Variants in LRRC69 observed in about 807,000 individuals in gnomAD.
The protein encoded by LRRC69 is leucine-rich repeat-containing protein 69.
LRRC69 carries 42 observed loss-of-function variants against 37.8 expected under a neutral mutation model. The observed-to-expected ratio is 1.11, with a 90% CI of 0.87 to 1.44. LRRC69 has a LOEUF of 1.44. LRRC69 is among the 40% of genes most tolerant of loss of function. The pLI, the probability that LRRC69 is intolerant of heterozygous loss-of-function variation, is 0.00. For synonymous variants in LRRC69, 141 were observed against 143.1 expected, an observed-to-expected ratio of 0.99 and a Z score of 0.11; for missense variants, 357 against 401.9, an observed-to-expected ratio of 0.89 and a Z score of 0.96.
chr8:91,153,337 T>A (rs914707210), intron 5 of LRRC69, among the ~76,000 whole-genome samples: 1 of 151,292 alleles, frequency 6.6e-6, no homozygotes, highest in Admixed American at 6.6e-5. Context: ...ATTCAGGACT[T>A]GAACTCAACT....
rs71266165 is a variant in LRRC69, at chr8:91,140,639, ATTTTTTTTTTTTTTTTTTTTT to A, written c.651+4912_651+4932del. Among the ~76,000 whole-genome samples, 2 of 23,250 alleles carry A rather than the reference ATTTTTTTTTTTTTTTTTTTTT, an allele frequency of 8.6e-5. 1 individual carries two copies. Among genetic ancestry groups the A allele is most frequent in the Non-Finnish European group, 1.5e-4 (2 of 13,138 alleles). The allele number at this position is 23,250 out of a possible 152,430, so 15.3% of individuals were successfully genotyped here. A position where few individuals can be genotyped will look rare whatever the true frequency, so the allele number is the denominator to read the frequency against. ...TTAAATGAATATTCTTCAATATGTG[ATTTTTTTTTTTTTTTTTTTTT>A]TTTTTTTTTTTGAGACGGAGTCTCG... On this transcript the variant is annotated intron_variant, in intron 5 of 7. Coordinates refer to ENST00000448384, the Ensembl canonical transcript of LRRC69.
At chr8:91,155,628 T>C (rs1482436656) in intron 5 of LRRC69, among the ~76,000 whole-genome samples, 5 of 150,650 alleles carry the variant, frequency 3.3e-5, no homozygotes, top group Non-Finnish European at 5.9e-5. Context: ...TTAACTAACG[T>C]TTTCCTCACC....
intron 6 of LRRC69, among the ~76,000 whole-genome samples, chr8:91,195,902 T>C (rs529359907): frequency 6.6e-6 from 1 of 152,200 alleles, no homozygotes; most frequent in Admixed American, 6.5e-5. Flanking sequence ...GTTAGCTGGT[T>C]ATTTTGCTCA....
intron 5 of LRRC69, among the ~76,000 whole-genome samples, chr8:91,152,489 G>T (rs1444788374): frequency 1.3e-5 from 2 of 151,326 alleles, no homozygotes; most frequent in South Asian, 2.1e-4. Context: ...TGGTCTAAGT[G>T]TCTGTTTTGT....
chr8:91,171,159 A>G (rs2130582156), intron 5 of LRRC69, among the ~76,000 whole-genome samples: 1 of 152,146 alleles, frequency 6.6e-6, no homozygotes, highest in South Asian at 2.1e-4. Context: ...GTATGAAAAA[A>G]AGAATTTGGG....
chr8:91,107,779 A>G (rs1813343389), intron 1 of LRRC69, among the ~76,000 whole-genome samples: 2 of 152,092 alleles, frequency 1.3e-5, no homozygotes, highest in African/African-American at 4.8e-5. Flanking sequence ...AATGAACAAA[A>G]TGGGTTAATG....
intron 3 of LRRC69, among the ~76,000 whole-genome samples, chr8:91,131,697 T>G (rs1813812348): frequency 6.6e-6 from 1 of 152,104 alleles, no homozygotes; most frequent in Admixed American, 6.6e-5. Context: ...TACAATAGAT[T>G]TTTTAAATAT....
At chr8:91,145,925 T>C (rs1369667960) in intron 5 of LRRC69, among the ~76,000 whole-genome samples, 3 of 151,866 alleles carry the variant, frequency 2.0e-5, no homozygotes, top group Non-Finnish European at 4.4e-5. Flanking sequence ...TTATGAAATA[T>C]TATCCTTGAT....
intron 5 of LRRC69, among the ~76,000 whole-genome samples, chr8:91,155,807 G>T (rs10109304): frequency 6.7e-6 from 1 of 149,612 alleles, no homozygotes; most frequent in African/African-American, 2.4e-5. Flanking sequence ...TGCCTCGAAT[G>T]ACAGGATTTC....
intron 5 of LRRC69, among the ~76,000 whole-genome samples, chr8:91,177,466 A>G (rs1165702271): frequency 6.6e-6 from 1 of 152,214 alleles, no homozygotes; most frequent in Non-Finnish European, 1.5e-5. Context: ...CTATATATAT[A>G]TTGAAATATG....
intron 7 of LRRC69, among the ~76,000 whole-genome samples, chr8:91,210,562 G>C (rs5012389): frequency 1.1e-4 from 16 of 146,100 alleles, no homozygotes; most frequent in East Asian, 6.2e-4. Context: ...CACACACACA[G>C]ACACACACAC....
At chr8:91,133,408 C>A in intron 4 of LRRC69, 103 bp downstream of exon 4, 1 of 761,584 alleles carries the variant, frequency 1.3e-6, no homozygotes, top group Non-Finnish European at 1.9e-6. Context: ...TAAGCCACCA[C>A]TTGCTTTCTC....
At chr8:91,217,228 T>C (rs1810067076) in intron 7 of LRRC69, among the ~76,000 whole-genome samples, 1 of 152,176 alleles carries the variant, frequency 6.6e-6, no homozygotes, top group African/African-American at 2.4e-5. Context: ...AGGTAACTTA[T>C]AATTTGTCAG....
chr8:91,159,756 C>A (rs940319015), intron 5 of LRRC69, among the ~76,000 whole-genome samples: 17 of 150,912 alleles, frequency 1.1e-4, no homozygotes, highest in African/African-American at 4.1e-4. Flanking sequence ...AATTTTTTAC[C>A]ATGGCAAAAT....
chr8:91,157,176 GA>G, intron 5 of LRRC69: 1 of 778,438 alleles, frequency 1.3e-6, no homozygotes, highest in Non-Finnish European at 2.2e-6. Context: ...TTTTGATAGG[GA>G]TTGCTTCGAA....
At chr8:91,138,510 T>G (rs1182834117) in intron 5 of LRRC69, among the ~76,000 whole-genome samples, 3 of 151,828 alleles carry the variant, frequency 2.0e-5, no homozygotes, top group Non-Finnish European at 4.4e-5. Flanking sequence ...TTAAATAAAT[T>G]TGGTGTGCAA....
chr8:91,195,415 T>G (rs932488618), intron 6 of LRRC69, among the ~76,000 whole-genome samples: 5 of 151,472 alleles, frequency 3.3e-5, no homozygotes, highest in African/African-American at 7.3e-5. Flanking sequence ...CTTTCTGTCT[T>G]GTTGATCTGT....
chr8:91,200,699 G>A (rs1266754418), exon 7 of LRRC69: 3 of 1,533,534 alleles, frequency 2.0e-6, no homozygotes, highest in Non-Finnish European at 2.6e-6. Context: ...CACAAGTCAG[G>A]AGCATGATCT....
chr8:91,103,265 GGAT>G (rs1356211821), intron 1 of LRRC69, among the ~76,000 whole-genome samples: 1 of 152,154 alleles, frequency 6.6e-6, no homozygotes, highest in Non-Finnish European at 1.5e-5. Context: ...GAGACATTTA[GGAT>G]GCAGCAAGGG....
Sources: allele counts gnomAD v4.1 joint callset (sites outside exome capture counted in the v4.1 genomes callset), GRCh38; gene constraint gnomAD v4.1.1; transcripts MANE v1.5; gene names NCBI Gene and HGNC (gene_info 2026-07-23, HGNC 2026-07-21).